SLC9C1: variants seen among roughly 807,000 people sequenced by gnomAD.
SLC9C1 encodes solute carrier family 9 member C1, also known as sodium/hydrogen exchanger 10.
SLC9C1 carries 97 observed loss-of-function variants against 140.9 expected under a neutral mutation model. The ratio of observed to expected loss-of-function variants is 0.69; its 90% CI spans 0.58 to 0.82. SLC9C1 has a LOEUF of 0.82. Ranked by LOEUF, SLC9C1 falls within the 40% of genes least tolerant of loss-of-function variation. SLC9C1 has a pLI of 0.00. For synonymous variants in SLC9C1, 440 were observed against 442.6 expected (o/e 0.99, Z 0.07); for missense variants, 1,340 against 1,389.3 (o/e 0.96, Z 0.56).
intron 26 of SLC9C1, among the ~76,000 whole-genome samples, chr3:112,160,535 T>A (rs543567512): frequency 6.6e-6 from 1 of 151,770 alleles, no homozygotes; most frequent in Admixed American, 6.6e-5. Flanking sequence ...TTTTTTGTTC[T>A]TGCGATAGTT....
At chr3:112,269,804 G>A (rs1055509261) in intron 7 of SLC9C1, 112 bp downstream of exon 7, 8 of 808,424 alleles carry the variant, frequency 9.9e-6, no homozygotes, top group Non-Finnish European at 1.4e-5. Flanking sequence ...AAAATATTCT[G>A]TCTAGATCAG....
chr3:112,217,492 T>C lies in SLC9C1; in HGVS notation c.1740A>G (p.Leu580=). Residue 580 remains leucine, a synonymous_variant, in exon 15 of 29, where the codon CTA becomes CTG. Coordinates refer to ENST00000305815, the MANE Select transcript of SLC9C1 (RefSeq NM_183061.3). ...SQKTVTFARK[L]LLNWVYNTRK... is the part of the protein sequence containing the mutation. ...TGGTATTATACACCCAATTAAGTAGTAGTTTTCTAGCAAAGGTAACTGTTT... is the reference window on the plus strand; with the variant it reads ...TGGTATTATACACCCAATTAAGTAGCAGTTTTCTAGCAAAGGTAACTGTTT... 2.5e-6 allele frequency: 4 copies of C among 1,610,698 alleles called. No homozygotes were observed. Among genetic ancestry groups the C allele is most frequent in the Non-Finnish European group, 3.4e-6 (4 of 1,178,872 alleles).
chr3:112,290,265 A>C (rs2080639821), intron 1 of SLC9C1, among the ~76,000 whole-genome samples: 1 of 152,244 alleles, frequency 6.6e-6, no homozygotes, highest in Non-Finnish European at 1.5e-5. Flanking sequence ...AATATAGTTA[A>C]GAAGTCTATT....
intron 20 of SLC9C1, among the ~76,000 whole-genome samples, chr3:112,184,545 A>G (rs2107968906): frequency 1.3e-5 from 2 of 151,952 alleles, no homozygotes; most frequent in South Asian, 4.2e-4. Flanking sequence ...CTGAGGCAGG[A>G]GATTCGCTTG....
At chr3:112,273,184 ATTTC>A (rs2080122297) in intron 6 of SLC9C1, among the ~76,000 whole-genome samples, 1 of 151,940 alleles carries the variant, frequency 6.6e-6, no homozygotes, top group Non-Finnish European at 1.5e-5. Flanking sequence ...GAATATAGAA[ATTTC>A]TTTGTTGCTC....
chr3:112,185,689 G>A (rs541741464), intron 20 of SLC9C1: 5 of 1,548,206 alleles, frequency 3.2e-6, no homozygotes, highest in East Asian at 2.4e-5. Flanking sequence ...AGGCGTGCAC[G>A]CTCGTGCCAC....
intron 20 of SLC9C1, among the ~76,000 whole-genome samples, chr3:112,195,796 T>C (rs182645085): frequency 3.3e-5 from 5 of 152,242 alleles, no homozygotes; most frequent in East Asian, 1.9e-4. Context: ...ATTACATCTT[T>C]ATACATTGTG....
chr3:112,238,601 G>A (rs1480235589), intron 12 of SLC9C1, among the ~76,000 whole-genome samples: 1 of 152,100 alleles, frequency 6.6e-6, no homozygotes, highest in East Asian at 1.9e-4. Flanking sequence ...TCTACCTTTG[G>A]TCTTTGATGA....
chr3:112,173,644 G>T (rs906450678), intron 23 of SLC9C1, among the ~76,000 whole-genome samples: 1 of 152,132 alleles, frequency 6.6e-6, no homozygotes, highest in African/African-American at 2.4e-5. Flanking sequence ...AGTATTCCAT[G>T]GTGTGTATGT....
chr3:112,262,959 C>T lies in SLC9C1; in HGVS notation c.1162G>A (p.Asp388Asn). 1.3e-6 allele frequency: 2 copies of T among 1,584,348 alleles called. No homozygotes were observed. Among genetic ancestry groups the T allele is most frequent in the Non-Finnish European group, 1.7e-6 (2 of 1,170,164 alleles). ...INMALLLAYS[D>N]LYFGSDKEKS... ...TCTTTGTCAGATCCAAAATAAAGAT[C>T]AGAGTAGGCAAGCAGAAGGGCCATG... Residue 388 changes from aspartate (D) to asparagine (N), a missense_variant, in exon 10 of 29, where the codon GAT becomes AAT. Transcript: ENST00000305815.
At chr3:112,157,424 T>G (rs2075156825) in intron 26 of SLC9C1, among the ~76,000 whole-genome samples, 1 of 152,110 alleles carries the variant, frequency 6.6e-6, no homozygotes, top group Non-Finnish European at 1.5e-5. Flanking sequence ...AATTGTAGCT[T>G]TGTAGTATAG....
At chr3:112,284,341 T>C (rs761999137) in intron 2 of SLC9C1, among the ~76,000 whole-genome samples, 1 of 152,212 alleles carries the variant, frequency 6.6e-6, no homozygotes, top group East Asian at 1.9e-4. Flanking sequence ...TTGACTAGCA[T>C]TCAGGCCAAA....
intron 23 of SLC9C1, among the ~76,000 whole-genome samples, chr3:112,174,638 T>A (rs1276261197): frequency 6.6e-6 from 1 of 151,974 alleles, no homozygotes; most frequent in Non-Finnish European, 1.5e-5. Flanking sequence ...AGAGTTGGGG[T>A]GGTGGTTCAC....
In SLC9C1 at chr3:112,208,313, T is replaced by A. The variant is rs923891615; in HGVS notation, c.1851A>T (p.Gly617=). 2 of 1,607,354 alleles carry A rather than the reference T, an allele frequency of 1.2e-6. No homozygotes were observed. Among genetic ancestry groups the A allele is most frequent in the Admixed American group, 3.4e-5 (2 of 58,760 alleles). ...ATATATTCATTAATATCACAAGGTATCCAACATGTTCAAATTCCTCAGTAA... is the reference window on the plus strand; with the variant it reads ...ATATATTCATTAATATCACAAGGTAACCAACATGTTCAAATTCCTCAGTAA... ...IVFTEEFEHV[G]YLVILMNIFP... is the part of the protein sequence containing the mutation. Residue 617 remains glycine, a synonymous_variant, in exon 16 of 29, where the codon GGA becomes GGT. Coordinates refer to ENST00000305815, the MANE Select transcript of SLC9C1 (RefSeq NM_183061.3).
At chr3:112,221,746 G>T (rs1373252017) in intron 13 of SLC9C1, among the ~76,000 whole-genome samples, 2 of 151,934 alleles carry the variant, frequency 1.3e-5, no homozygotes, top group Non-Finnish European at 2.9e-5. Context: ...ATAACAGATT[G>T]CTACTATTTG....
chr3:112,289,015 G>A (rs763135412), intron 1 of SLC9C1, among the ~76,000 whole-genome samples: 1 of 152,110 alleles, frequency 6.6e-6, no homozygotes, highest in African/African-American at 2.4e-5. Context: ...CTGGTTTGCA[G>A]CCTGGGCTCT....
intron 20 of SLC9C1, chr3:112,185,769 G>A (rs891528173): frequency 1.9e-6 from 3 of 1,545,494 alleles, no homozygotes; most frequent in African/African-American, 2.7e-5. Flanking sequence ...CAGGGAGGGC[G>A]TCCGCACGAT....
chr3:112,169,497 C>G (rs1268955546), intron 23 of SLC9C1, among the ~76,000 whole-genome samples, 169 bp from the exon 24 acceptor site: 1 of 152,078 alleles, frequency 6.6e-6, no homozygotes, highest in South Asian at 2.1e-4. Flanking sequence ...TTGGTGTGTC[C>G]TTTCCCTATG....
chr3:112,216,486 T>C (rs6775885), intron 15 of SLC9C1, among the ~76,000 whole-genome samples: 113,334 of 150,282 alleles, frequency 0.75, 43,158 homozygotes, highest in East Asian at 0.99. Flanking sequence ...CCAGAATCTA[T>C]AAAGAACTCA....
Sources: gnomAD v4.1 joint callset for allele counts (sites outside exome capture counted in the v4.1 genomes callset) on GRCh38, gnomAD v4.1.1 for gene constraint, MANE v1.5 for transcripts, NCBI Gene and HGNC (gene_info 2026-07-23, HGNC 2026-07-21) for gene names.